THSD4: variants seen among roughly 807,000 people sequenced by gnomAD.
The protein encoded by THSD4 is thrombospondin type 1 domain containing 4.
In THSD4, 69 loss-of-function variants were observed where a neutral mutation model predicts 119.0. The observed-to-expected ratio is 0.58, with a 90% CI of 0.48 to 0.71. THSD4 has a LOEUF of 0.71. Ranked by LOEUF, THSD4 falls within the 30% of genes least tolerant of loss-of-function variation. The pLI is 0.00. For missense variants in THSD4, 1,393 were observed against 1,391.1 expected (o/e 1.00, Z -0.02); for synonymous variants, 524 against 540.4 (o/e 0.97, Z 0.42).
chr15:71,285,096 A>G (rs576741371), intron 6 of THSD4, among the ~76,000 whole-genome samples: 2 of 152,326 alleles, frequency 1.3e-5, no homozygotes, highest in South Asian at 4.2e-4. Context: ...CATCCGCTCT[A>G]CATCTTCAGA....
intron 6 of THSD4, among the ~76,000 whole-genome samples, chr15:71,275,649 A>T (rs1206840803): frequency 1.3e-5 from 2 of 152,144 alleles, no homozygotes; most frequent in Non-Finnish European, 2.9e-5. Flanking sequence ...GTTCCCACCT[A>T]AATCTCATCT....
chr15:71,574,097 C>T (rs1230484821), intron 7 of THSD4, among the ~76,000 whole-genome samples: 1 of 152,178 alleles, frequency 6.6e-6, no homozygotes, highest in Non-Finnish European at 1.5e-5. Context: ...CGCAGTACCT[C>T]AGTGCACAGT....
chr15:71,370,395 T>C (rs1227835608), intron 6 of THSD4, among the ~76,000 whole-genome samples: 1 of 152,256 alleles, frequency 6.6e-6, no homozygotes, highest in African/African-American at 2.4e-5. Context: ...TTTAGATCTT[T>C]CCTCCTTTCT....
At chr15:71,269,412 A>G (rs190852474) in intron 6 of THSD4, among the ~76,000 whole-genome samples, 29 of 152,350 alleles carry the variant, frequency 1.9e-4, no homozygotes, top group African/African-American at 5.5e-4. Flanking sequence ...CTTCATGCTA[A>G]AAACTCTCAA....
At chr15:71,114,258 A>G (rs1014089077), upstream of THSD4, among the ~76,000 whole-genome samples, 2 of 147,594 alleles carry the variant, frequency 1.4e-5, no homozygotes, top group African/African-American at 5.1e-5. Flanking sequence ...CTTCCCTGGG[A>G]GCTCCCTTCT....
chr15:71,213,542 C>T (rs1199573799), intron 3 of THSD4, among the ~76,000 whole-genome samples: 4 of 152,168 alleles, frequency 2.6e-5, no homozygotes, highest in Non-Finnish European at 5.9e-5. Context: ...GGTCTAAGCA[C>T]TTGTGTGGAC....
intron 7 of THSD4, among the ~76,000 whole-genome samples, chr15:71,510,557 A>G (rs2048265468): frequency 6.6e-6 from 1 of 152,144 alleles, no homozygotes; most frequent in Non-Finnish European, 1.5e-5. Flanking sequence ...CTTGGTTAGG[A>G]CGTCTACAGA....
chr15:71,770,276 C>CA (rs1412472580), intron 16 of THSD4, among the ~76,000 whole-genome samples: 29 of 104,740 alleles, frequency 2.8e-4, no homozygotes, highest in African/African-American at 1.0e-3. Flanking sequence ...AGGACTTTCT[C>CA]AAAGAAAATG....
intron 6 of THSD4, among the ~76,000 whole-genome samples, chr15:71,345,090 G>T (rs537909628): frequency 6.6e-6 from 1 of 151,738 alleles, no homozygotes; most frequent in Non-Finnish European, 1.5e-5. Flanking sequence ...CTTTATCCTT[G>T]ATCCTTTCTT....
chr15:71,461,958 G>A (rs2047434846), intron 7 of THSD4, among the ~76,000 whole-genome samples: 1 of 152,050 alleles, frequency 6.6e-6, no homozygotes, highest in African/African-American at 2.4e-5. Context: ...AAGATTGGCT[G>A]GCATGAAGCT....
intron 4 of THSD4, among the ~76,000 whole-genome samples, chr15:71,225,727 G>C (rs1451487827): frequency 2.0e-5 from 3 of 151,752 alleles, no homozygotes; most frequent in Admixed American, 6.6e-5. Flanking sequence ...TTTTAGTAGA[G>C]ATGGGGTTTC....
chr15:71,692,387 G>A (rs2141053775), intron 8 of THSD4, among the ~76,000 whole-genome samples: 1 of 152,296 alleles, frequency 6.6e-6, no homozygotes, highest in Non-Finnish European at 1.5e-5. Context: ...TAGATGCCAA[G>A]GTGATTTAGC....
At chr15:71,761,251 A>G (rs986875160) in intron 15 of THSD4, among the ~76,000 whole-genome samples, 1 of 152,100 alleles carries the variant, frequency 6.6e-6, no homozygotes, top group Non-Finnish European at 1.5e-5. Flanking sequence ...CTTCTGTGAT[A>G]AGATTCAAAT....
intron 3 of THSD4, among the ~76,000 whole-genome samples, chr15:71,212,173 C>T (rs1378144891): frequency 6.6e-6 from 1 of 152,110 alleles, no homozygotes; most frequent in Admixed American, 6.5e-5. Context: ...GTTTCTACTC[C>T]TTCGTTCCTT....
intron 6 of THSD4, among the ~76,000 whole-genome samples, chr15:71,332,260 C>A (rs1055253141): frequency 3.9e-5 from 6 of 152,154 alleles, no homozygotes; most frequent in African/African-American, 1.4e-4. Context: ...CAGCTGGAGC[C>A]GTTGGTCAAT....
intron 7 of THSD4, among the ~76,000 whole-genome samples, chr15:71,543,849 G>GA (rs537759377): frequency 2.0e-5 from 3 of 152,208 alleles, no homozygotes; most frequent in Admixed American, 2.0e-4. Flanking sequence ...CCAACATGGA[G>GA]AAACCCTGTC....
At chr15:71,715,840 T>C (rs531770974) in intron 8 of THSD4, among the ~76,000 whole-genome samples, 1 of 152,032 alleles carries the variant, frequency 6.6e-6, no homozygotes, top group Admixed American at 6.5e-5. Flanking sequence ...ATTGGTGTTT[T>C]AGTCTTTTGC....
chr15:71,376,014 G>A (rs1002066639), intron 6 of THSD4, among the ~76,000 whole-genome samples: 5 of 152,182 alleles, frequency 3.3e-5, no homozygotes, highest in Non-Finnish European at 5.9e-5. Flanking sequence ...CTGCGACTTT[G>A]TGATTATGCA....
intron 7 of THSD4, among the ~76,000 whole-genome samples, chr15:71,448,503 C>T (rs1222163158): frequency 2.0e-5 from 3 of 152,118 alleles, no homozygotes; most frequent in Non-Finnish European, 4.4e-5. Flanking sequence ...GCGTGGTTTG[C>T]TGTAAGTAAT....
Sources: allele counts gnomAD v4.1 joint callset (sites outside exome capture counted in the v4.1 genomes callset), GRCh38; gene constraint gnomAD v4.1.1; transcripts MANE v1.5; gene names NCBI Gene and HGNC (gene_info 2026-07-23, HGNC 2026-07-21).